ACYP2: variants seen among roughly 807,000 people sequenced by gnomAD.
ACYP2 encodes the protein acylphosphatase 2, also known as acylphosphatase-2.
ACYP2 carries 12 observed loss-of-function variants against 11.2 expected under a neutral mutation model. The ratio of observed to expected loss-of-function variants is 1.08; its 90% CI spans 0.69 to 1.74. The LOEUF is 1.74. Ranked by LOEUF, ACYP2 falls within the 40% of genes most tolerant of loss-of-function variation. The pLI is 0.00. For synonymous variants in ACYP2, 43 were observed against 32.2 expected (o/e 1.33, Z -1.13); for missense variants, 134 against 101.9 (o/e 1.31, Z -1.35).
chr2:54,269,048 G>T (rs1170882683), intron 6 of ACYP2, among the ~76,000 whole-genome samples: 2 of 152,248 alleles, frequency 1.3e-5, no homozygotes, highest in East Asian at 3.9e-4. Context: ...TAAGTAATTT[G>T]TCCAAGGTCA....
chr2:54,291,069 A>G (rs1028009397), intron 6 of ACYP2, among the ~76,000 whole-genome samples: 3 of 152,082 alleles, frequency 2.0e-5, no homozygotes, highest in Non-Finnish European at 2.9e-5. Flanking sequence ...AACCATGCAA[A>G]TCTAGCTTCC....
At chr2:54,023,669 A>G (rs1243442572) in intron 2 of ACYP2, among the ~76,000 whole-genome samples, 1 of 152,168 alleles carries the variant, frequency 6.6e-6, no homozygotes, top group Non-Finnish European at 1.5e-5. Context: ...TGGGTATTGT[A>G]TGTATTTTTG....
chr2:54,023,154 A>T (rs1428869918), intron 2 of ACYP2, among the ~76,000 whole-genome samples: 1 of 152,106 alleles, frequency 6.6e-6, no homozygotes, highest in Non-Finnish European at 1.5e-5. Context: ...CTTTCAAAGA[A>T]TTGTTGTTAA....
intron 6 of ACYP2, among the ~76,000 whole-genome samples, chr2:54,174,733 A>G (rs1683364237): frequency 6.6e-6 from 1 of 152,170 alleles, no homozygotes; most frequent in Admixed American, 6.5e-5. Flanking sequence ...TTTTAGCATG[A>G]AGGGCTGTTG....
chr2:54,243,295 AG>A (rs947849382), intron 6 of ACYP2, among the ~76,000 whole-genome samples: 2 of 152,174 alleles, frequency 1.3e-5, no homozygotes, highest in African/African-American at 4.8e-5. Flanking sequence ...CTACACACCT[AG>A]GATGTGTGGT....
intron 2 of ACYP2, among the ~76,000 whole-genome samples, chr2:54,037,071 G>T (rs1674938705): frequency 1.3e-5 from 2 of 152,150 alleles, no homozygotes; most frequent in Admixed American, 1.3e-4. Context: ...ATTTTTTAAT[G>T]TAGAGAAAAA....
chr2:54,210,908 T>C (rs1685307776), intron 6 of ACYP2, among the ~76,000 whole-genome samples: 1 of 152,230 alleles, frequency 6.6e-6, no homozygotes, highest in African/African-American at 2.4e-5. Context: ...AAAAAAATTT[T>C]TTTGCATACT....
chr2:53,997,435 A>T (rs1290672233), intron 2 of ACYP2, among the ~76,000 whole-genome samples: 1 of 152,060 alleles, frequency 6.6e-6, no homozygotes, highest in Non-Finnish European at 1.5e-5. Flanking sequence ...CCTACTGAGT[A>T]GCTGGGACTA....
intron 2 of ACYP2, among the ~76,000 whole-genome samples, chr2:54,013,879 T>A (rs1397598439): frequency 1.3e-5 from 2 of 152,082 alleles, no homozygotes; most frequent in African/African-American, 4.8e-5. Context: ...CAGTGGAGGC[T>A]GGGTGTGGTG....
At chr2:54,039,383 C>T (rs1225216655) in intron 2 of ACYP2, among the ~76,000 whole-genome samples, 1 of 151,722 alleles carries the variant, frequency 6.6e-6, no homozygotes, top group Non-Finnish European at 1.5e-5. Flanking sequence ...CCTCTGCCTC[C>T]CAGGCTCAAG....
At chr2:54,256,785 G>A (rs1687559560) in intron 6 of ACYP2, among the ~76,000 whole-genome samples, 1 of 152,110 alleles carries the variant, frequency 6.6e-6, no homozygotes, top group South Asian at 2.1e-4. Flanking sequence ...GGGATTACAG[G>A]CGCCCACCAC....
intron 6 of ACYP2, among the ~76,000 whole-genome samples, chr2:54,276,694 G>C (rs982559888): frequency 2.9e-4 from 44 of 149,808 alleles, no homozygotes; most frequent in African/African-American, 1.1e-3. Flanking sequence ...TTTTCCTTTA[G>C]GGACTTTCTC....
At chr2:54,060,383 C>T (rs532322660) in intron 4 of ACYP2, among the ~76,000 whole-genome samples, 2 of 150,976 alleles carry the variant, frequency 1.3e-5, no homozygotes, top group East Asian at 3.9e-4. Flanking sequence ...TATTCTTGTT[C>T]TGATTATTCC....
Position 54,240,826 on chromosome 2 carries a change from T to A in ACYP2, c.405-63862T>A, listed in dbSNP as rs949376388. 6.6e-5 allele frequency among the ~76,000 whole-genome samples: 10 copies of A among 152,212 alleles called. 1 individual carries two copies. The highest frequency in any genetic ancestry group is 3.9e-4 in the Admixed American group (6 of 15,284). On this transcript the variant is annotated intron_variant, in intron 6 of 6. Transcript: ENST00000607452. ...TGACCCAGACTATGTTTTCCTTGCT[T>A]CAGTGGCTTAGGCTGCAAAATAAGG... is the stretch of plus-strand genomic sequence containing the variant.
At chr2:54,247,982 C>T (rs1216338761) in intron 6 of ACYP2, among the ~76,000 whole-genome samples, 2 of 152,216 alleles carry the variant, frequency 1.3e-5, no homozygotes, top group African/African-American at 2.4e-5. Context: ...CAGTGGCTAC[C>T]ATGCCCTAAG....
At chr2:54,021,037 G>C (rs1424350928) in intron 2 of ACYP2, among the ~76,000 whole-genome samples, 1 of 152,192 alleles carries the variant, frequency 6.6e-6, no homozygotes, top group Non-Finnish European at 1.5e-5. Context: ...TTGAACAAGG[G>C]AGGGGAAGGG....
chr2:54,141,858 A>T (rs904886842), intron 6 of ACYP2: 1 of 604,876 alleles, frequency 1.7e-6, no homozygotes, highest in African/African-American at 1.8e-5. Context: ...ATTTTTTGAG[A>T]CAAGGGTCTT....
intron 2 of ACYP2, among the ~76,000 whole-genome samples, chr2:53,982,882 T>C (rs1671842863): frequency 7.0e-6 from 1 of 142,976 alleles, no homozygotes; most frequent in Non-Finnish European, 1.5e-5. Context: ...GTGATATAAA[T>C]AGGTTCAGGG....
At chr2:54,220,195 G>T (rs1325832227) in intron 6 of ACYP2, among the ~76,000 whole-genome samples, 1 of 151,906 alleles carries the variant, frequency 6.6e-6, no homozygotes, top group Non-Finnish European at 1.5e-5. Context: ...TATTGCCAAG[G>T]AATTCTTTGC....
Sources: gnomAD v4.1 joint callset for allele counts (sites outside exome capture counted in the v4.1 genomes callset) on GRCh38, gnomAD v4.1.1 for gene constraint, MANE v1.5 for transcripts, NCBI Gene and HGNC (gene_info 2026-07-23, HGNC 2026-07-21) for gene names.